SPATA17: variants seen among roughly 807,000 people sequenced by gnomAD.
SPATA17 encodes spermatogenesis associated 17, also known as spermatogenesis-associated protein 17.
A neutral mutation model predicts 62.2 loss-of-function variants in SPATA17; 53 were observed. The observed-to-expected ratio is 0.85, with a 90% CI of 0.68 to 1.07. The LOEUF is 1.07. Ranked by LOEUF, SPATA17 falls within the 50% of genes least tolerant of loss-of-function variation. SPATA17 has a pLI of 0.00. For missense variants in SPATA17, 466 were observed against 425.5 expected, an observed-to-expected ratio of 1.10 and a Z score of -0.84; for synonymous variants, 146 against 146.8, an observed-to-expected ratio of 0.99 and a Z score of 0.04.
intron 9 of SPATA17, among the ~76,000 whole-genome samples, chr1:217,862,101 A>AT (rs1675908385): frequency 6.6e-6 from 1 of 151,598 alleles, no homozygotes; most frequent in Admixed American, 6.6e-5. Flanking sequence ...AATTACCTTC[A>AT]TTAACAATAG....
At chr1:217,755,420 G>A (rs1278321499) in intron 6 of SPATA17, among the ~76,000 whole-genome samples, 1 of 151,972 alleles carries the variant, frequency 6.6e-6, no homozygotes, top group Non-Finnish European at 1.5e-5. Flanking sequence ...TTTAATTTGT[G>A]AATATCTCTG....
intron 9 of SPATA17, among the ~76,000 whole-genome samples, chr1:217,808,853 C>CA (rs34369449): frequency 0.021 from 2,116 of 100,216 alleles, 27 homozygotes; most frequent in Non-Finnish European, 0.032. Flanking sequence ...GACTCTGTCT[C>CA]AAAAAAAAAA....
intron 8 of SPATA17, among the ~76,000 whole-genome samples, chr1:217,796,975 G>C (rs1350866989): frequency 6.6e-6 from 1 of 152,112 alleles, no homozygotes; most frequent in African/African-American, 2.4e-5. Context: ...TTTTTAATGG[G>C]CCATAACATG....
chr1:217,747,554 T>C (rs1030985498), intron 6 of SPATA17, among the ~76,000 whole-genome samples: 1 of 152,164 alleles, frequency 6.6e-6, no homozygotes, highest in Non-Finnish European at 1.5e-5. Context: ...TACACGGCAA[T>C]AGTTATCTTA....
intron 5 of SPATA17, among the ~76,000 whole-genome samples, chr1:217,705,182 G>A (rs939614239): frequency 3.3e-5 from 5 of 152,028 alleles, no homozygotes; most frequent in African/African-American, 1.2e-4. Context: ...TCATATTCAT[G>A]TTGGCCACAT....
intron 5 of SPATA17, among the ~76,000 whole-genome samples, chr1:217,720,416 G>A (rs192808472): frequency 1.1e-4 from 17 of 152,118 alleles, no homozygotes; most frequent in African/African-American, 3.4e-4. Flanking sequence ...ACTTCATTTT[G>A]AGCAATGAGA....
At chr1:217,712,744 A>T (rs1671906741) in intron 5 of SPATA17, among the ~76,000 whole-genome samples, 2 of 152,126 alleles carry the variant, frequency 1.3e-5, no homozygotes, top group East Asian at 3.9e-4. Flanking sequence ...AAAATACTAG[A>T]GCAAATAGGG....
intron 4 of SPATA17, among the ~76,000 whole-genome samples, chr1:217,681,414 C>T (rs1571727009): frequency 6.6e-6 from 1 of 151,862 alleles, no homozygotes. Flanking sequence ...CGCTCTGTCG[C>T]CCAGGCTGGA....
intron 9 of SPATA17, among the ~76,000 whole-genome samples, chr1:217,858,811 C>T (rs7532645): frequency 0.24 from 36,674 of 152,000 alleles, 5,388 homozygotes; most frequent in Admixed American, 0.35. Context: ...GGGTGGATCA[C>T]AAGGTCGGGA....
rs965736266 is a variant in SPATA17 at position 217,673,746 on chromosome 1, G to C, written c.291+4663G>C. The stretch of plus-strand genomic sequence containing the variant: ...CTTAGCCCTCCAAATACTGGGCTTA[G>C]AGAGTCCGGTTCCTGGCAATATTAC... On this transcript the variant is annotated intron_variant, in intron 4 of 10. Coordinates refer to ENST00000366933, the MANE Select transcript of SPATA17 (RefSeq NM_138796.4). Among the ~76,000 whole-genome samples the C allele has an allele frequency of 8.5e-5, 13 of 152,116 alleles. 1 individual carries two copies. The highest frequency in any genetic ancestry group is 1.5e-4 in the Non-Finnish European group (10 of 68,028).
intron 9 of SPATA17, among the ~76,000 whole-genome samples, chr1:217,830,561 CTGAG>C (rs1571832733): frequency 6.6e-6 from 1 of 152,058 alleles, no homozygotes; most frequent in Non-Finnish European, 1.5e-5. Context: ...ATATACTTAA[CTGAG>C]TATTTTCCAA....
chr1:217,870,581 A>G lies in SPATA17; in HGVS notation c.*3562A>G, dbSNP rs1676109848. ...CTTTTCTATATTCTCAATATGAGCC[A>G]CTTAAGAAAATTAATGAGACTTTAT... On this transcript the variant is annotated 3_prime_UTR_variant, in exon 11 of 11. Transcript: ENST00000366933. 6.6e-6 allele frequency: 1 copy of G among 152,202 alleles called. No homozygotes were observed. Among genetic ancestry groups the G allele is most frequent in the Admixed American group, 6.5e-5 (1 of 15,268 alleles). 9.4% of individuals were successfully genotyped at this position (152,202 alleles called of 1,614,324 possible). A position where few individuals can be genotyped will look rare whatever the true frequency, so the allele number is the denominator to read the frequency against.
At position 217,865,888 on chromosome 1, in the gene SPATA17, G is replaced by A. The variant is rs12116659; in HGVS notation, c.*3-1134G>A. 5.5e-3 allele frequency among the ~76,000 whole-genome samples: 830 copies of A among 152,212 alleles called. 9 individuals carry two copies. Among genetic ancestry groups the A allele is most frequent in the Non-Finnish European group, 6.1e-3 (414 of 68,006 alleles). ...GTTCAATTTTGAGGCCCGATAAGATGAGTTTTAATTAAATTATTTGTTAGG... is the reference window on the plus strand; with the variant it reads ...GTTCAATTTTGAGGCCCGATAAGATAAGTTTTAATTAAATTATTTGTTAGG... On this transcript the variant is annotated intron_variant, in intron 10 of 10. Coordinates refer to ENST00000366933, the MANE Select transcript of SPATA17 (RefSeq NM_138796.4).
intron 5 of SPATA17, among the ~76,000 whole-genome samples, chr1:217,739,124 G>A (rs907098080): frequency 1.7e-4 from 26 of 152,114 alleles, no homozygotes; most frequent in African/African-American, 6.3e-4. Flanking sequence ...AAAAGTTTCA[G>A]TAATTTTTAT....
intron 6 of SPATA17, among the ~76,000 whole-genome samples, chr1:217,749,985 C>CTCTCTCTCTCTCTCTCTCTCTATATA: frequency 1.6e-4 from 2 of 12,314 alleles, no homozygotes; most frequent in South Asian, 3.2e-3. Flanking sequence ...CTCTCTCTCT[C>CTCTCTCTCTCTCTCTCTCTCTATATA]TATATATATA....
At chr1:217,823,320 C>T (rs1339183002) in intron 9 of SPATA17, among the ~76,000 whole-genome samples, 3 of 151,904 alleles carry the variant, frequency 2.0e-5, no homozygotes, top group Non-Finnish European at 2.9e-5. Flanking sequence ...GAACTAAGAA[C>T]GGAATGGGTA....
intron 9 of SPATA17, among the ~76,000 whole-genome samples, chr1:217,861,497 T>G (rs1469193808): frequency 6.6e-6 from 1 of 151,674 alleles, no homozygotes; most frequent in African/African-American, 2.4e-5. Context: ...ATGTCTAAAC[T>G]CTATATGCTC....
At chr1:217,842,760 T>G (rs1675439154) in intron 9 of SPATA17, among the ~76,000 whole-genome samples, 1 of 152,036 alleles carries the variant, frequency 6.6e-6, no homozygotes, top group Non-Finnish European at 1.5e-5. Flanking sequence ...TCCTATTTTA[T>G]TCACATCTGC....
chr1:217,811,799 A>G (rs1406094526), intron 9 of SPATA17, among the ~76,000 whole-genome samples: 1 of 152,188 alleles, frequency 6.6e-6, no homozygotes, highest in Non-Finnish European at 1.5e-5. Flanking sequence ...AATTATTAGA[A>G]ATACTTTACA....
Sources: allele counts gnomAD v4.1 joint callset (sites outside exome capture counted in the v4.1 genomes callset), GRCh38; gene constraint gnomAD v4.1.1; transcripts MANE v1.5; gene names NCBI Gene and HGNC (gene_info 2026-07-23, HGNC 2026-07-21).